Variants in DMBT1 observed in about 807,000 individuals in gnomAD.
DMBT1 encodes the protein deleted in malignant brain tumors 1, also known as scavenger receptor cysteine-rich domain-containing protein DMBT1.
Under a neutral mutation model 252.9 loss-of-function variants are expected in DMBT1, and 198 were observed. The observed-to-expected ratio is 0.78, with a 90% confidence interval of 0.70 to 0.88. The LOEUF is 0.88. DMBT1 is among the 40% of genes least tolerant of loss of function. The pLI, the probability that DMBT1 is intolerant of heterozygous loss-of-function variation, is 0.00. For missense variants in DMBT1, 2,432 were observed against 2,404.7 expected, an observed-to-expected ratio of 1.01 and a Z score of -0.24; for synonymous variants, 990 against 942.7, an observed-to-expected ratio of 1.05 and a Z score of -0.92.
At chr10:122,573,537 A>C (rs1008824016) in intron 5 of DMBT1, among the ~76,000 whole-genome samples, 178 bp from the exon 6 acceptor site, 1 of 152,202 alleles carries the variant, frequency 6.6e-6, no homozygotes, top group Non-Finnish European at 1.5e-5. Context: ...GTGGCATCCT[A>C]GCCCAGTCTG....
At chr10:122,643,072 A>G (rs1246226659) in intron 55 of DMBT1, 50 bp from the exon 56 acceptor site, 2 of 1,589,842 alleles carry the variant, frequency 1.3e-6, no homozygotes, top group African/African-American at 2.7e-5. Context: ...TGAGTCATGA[A>G]GGAAGAATCG....
chr10:122,635,152 A>C (rs1353309457), intron 52 of DMBT1, among the ~76,000 whole-genome samples: 1 of 152,192 alleles, frequency 6.6e-6, no homozygotes, highest in African/African-American at 2.4e-5. Context: ...GACATTTTAC[A>C]AAGCCCTTTT....
At position 122,589,169 on chromosome 10, in the gene DMBT1, G is replaced by A. The variant is rs28493439; in HGVS notation, c.2009G>A (p.Arg670His). The change falls in exon 17 of 56, where the codon CGC becomes CAC. Residue 670 changes from arginine (R) to histidine (H), a missense_variant. By Grantham distance (29) the Arg-to-His change is conservative. This residue lies in a region of DMBT1 where 1,264 missense variants were observed against 1,082.2 expected (regional missense o/e 1.17). Coordinates refer to ENST00000338354, the MANE Select transcript of DMBT1 (RefSeq NM_001377530.1). ...GGACCCATTGTCCTGGATGATGTGC[G>A]CTGCTCAGGACATGAGTCCTACCTG... ...GSGPIVLDDV[R>H]CSGHESYLWS... 32 of 1,588,418 alleles carry A rather than the reference G, an allele frequency of 2.0e-5. 1 individual carries two copies. Among genetic ancestry groups the A allele is most frequent in the African/African-American group, 1.3e-4 (10 of 74,632 alleles).
At chr10:122,599,915 G>A (rs772962456) in intron 26 of DMBT1, 149 bp from the exon 27 acceptor site, 5 of 1,213,972 alleles carry the variant, frequency 4.1e-6, no homozygotes, top group African/African-American at 1.5e-5. Flanking sequence ...GTGCATCTCT[G>A]TGGGGATGTG....
chr10:122,578,220 C>A (rs1432552785), intron 8 of DMBT1, among the ~76,000 whole-genome samples: 2 of 152,176 alleles, frequency 1.3e-5, no homozygotes, highest in African/African-American at 4.8e-5. Context: ...GCTTGATACC[C>A]CCATCTCTCA....
At position 122,643,222 on chromosome 10, in the gene DMBT1, G is replaced by A. The variant is rs1415325438; in HGVS notation, c.7453G>A (p.Val2485Met). The part of the protein sequence containing the change: ...AFHFLNRFPS[V>M]YLRCKMVVCR... Reference sequence around the variant, plus strand: ...CCACTTCCTGAACCGCTTCCCCTCCGTGTACCTGCGTTGTAAAATGGTGGT... The same window carrying A: ...CCACTTCCTGAACCGCTTCCCCTCCATGTACCTGCGTTGTAAAATGGTGGT... The change falls in exon 56 of 56, where the codon GTG (valine) becomes ATG (methionine). Residue 2485 changes from valine (V) to methionine (M), a missense_variant. Transcript: ENST00000338354. 1.9e-6 allele frequency: 3 copies of A among 1,613,900 alleles called. No individual in the cohort carries two copies. The highest frequency in any genetic ancestry group is 2.5e-6 in the Non-Finnish European group (3 of 1,179,868).
At chr10:122,600,182 G>C in intron 27 of DMBT1, 89 bp downstream of exon 27, 2 of 1,509,090 alleles carry the variant, frequency 1.3e-6, no homozygotes, top group Non-Finnish European at 1.8e-6. Context: ...CTGTTTCTCT[G>C]TGTGGATACT....
intron 54 of DMBT1, among the ~76,000 whole-genome samples, chr10:122,637,531 G>C (rs1390962537): frequency 6.6e-6 from 1 of 152,224 alleles, no homozygotes; most frequent in Non-Finnish European, 1.5e-5. Flanking sequence ...ATCTCCAGCT[G>C]TGTCCAGCAG....
chr10:122,620,926 G>C (rs946302548), intron 43 of DMBT1, 131 bp from the exon 44 acceptor site: 65 of 1,502,958 alleles, frequency 4.3e-5, no homozygotes, highest in Non-Finnish European at 5.6e-5. Context: ...ACCTCTGTCT[G>C]TATTCATATT....
At chr10:122,571,066 G>T in intron 4 of DMBT1, 129 bp downstream of exon 4, 1 of 1,141,736 alleles carries the variant, frequency 8.8e-7, no homozygotes, top group Non-Finnish European at 1.3e-6. Context: ...AGGTAGTGTG[G>T]ATATCACCTT....
chr10:122,617,562 C>G (rs1425044219), intron 40 of DMBT1, among the ~76,000 whole-genome samples: 2 of 151,588 alleles, frequency 1.3e-5, no homozygotes, highest in African/African-American at 2.4e-5. Context: ...GGCCCTCTGA[C>G]CACGCACTGC....
In DMBT1 at chr10:122,621,854, C is replaced by T. The variant is rs546169651; in HGVS notation, c.5608+474C>T. Among the ~76,000 whole-genome samples the T allele has an allele frequency of 3.3e-5, 5 of 152,302 alleles. No individual in the cohort carries two copies. In the East Asian group the frequency reaches 5.8e-4, roughly 18 times the overall value. On this transcript the variant is annotated intron_variant, in intron 44 of 55. Coordinates refer to ENST00000338354, the MANE Select transcript of DMBT1 (RefSeq NM_001377530.1). ...GAGGCATATGGGCTAAGAGTGCAAA[C>T]GGGTATCTGTGCATGTGTGACCTGG...
Position 122,637,227 on chromosome 10 carries a change from A to C in DMBT1, c.6857A>C (p.Asn2286Thr), listed in dbSNP as rs771403045. The C allele has an allele frequency of 6.2e-7, 1 of 1,613,982 alleles. No individual in the cohort carries two copies. Among genetic ancestry groups the C allele is most frequent in the Non-Finnish European group, 8.5e-7 (1 of 1,179,886 alleles). ...AGTGACCTTGTCATTTCCACCTGGA[A>C]TGGATACTACGAGTGTCGGCCCCAG... is the stretch of plus-strand genomic sequence containing the variant. ...SASDLVISTW[N>T]GYYECRPQIT... The change falls in exon 54 of 56, where the codon AAT becomes ACT. Residue 2286 changes from asparagine to threonine, a missense_variant. Transcript: ENST00000338354.
intron 5 of DMBT1, among the ~76,000 whole-genome samples, chr10:122,573,133 C>A (rs1378617664): frequency 6.6e-6 from 1 of 152,198 alleles, no homozygotes; most frequent in African/African-American, 2.4e-5. Context: ...TCAAGAGCAA[C>A]TCTGTCATTT....
In DMBT1 at chr10:122,592,542, G is replaced by C. The variant is rs376863791; in HGVS notation, c.2447G>C (p.Gly816Ala). The change falls in exon 20 of 56, where the codon GGC (glycine) becomes GCC (alanine). Residue 816 changes from glycine to alanine, a missense_variant. Around this residue, in one of 3 missense-constraint regions of DMBT1, gnomAD observed 1,264 missense variants for 1,082.2 expected, o/e 1.17. Transcript: ENST00000338354. ...TACCTGTGGAGCTGCCCCCACAATG[G>C]CTGGCTCTCCCACAACTGTGGCCAT... ...ESYLWSCPHN[G>A]WLSHNCGHHE... 1.3e-6 allele frequency: 2 copies of C among 1,588,154 alleles called. No homozygotes were observed. Among genetic ancestry groups the C allele is most frequent in the African/African-American group, 2.7e-5 (2 of 74,520 alleles).
At chr10:122,574,433 C>T (rs1232873719) in intron 6 of DMBT1, among the ~76,000 whole-genome samples, 1 of 152,154 alleles carries the variant, frequency 6.6e-6, no homozygotes, top group Non-Finnish European at 1.5e-5. Context: ...CTGCGCTGCC[C>T]AGGGTTGGCA....
At chr10:122,640,517 G>T in intron 55 of DMBT1, 68 bp downstream of exon 55, 1 of 1,488,630 alleles carries the variant, frequency 6.7e-7, no homozygotes, top group Non-Finnish European at 8.9e-7. Flanking sequence ...TAGCCCCAAA[G>T]GCTTGAAGAA....
At chr10:122,630,255 C>A in intron 47 of DMBT1, 33 bp from the exon 48 acceptor site, 1 of 1,594,712 alleles carries the variant, frequency 6.3e-7, no homozygotes, top group Non-Finnish European at 8.6e-7. Flanking sequence ...ATAGGAATTT[C>A]AATGTTGACT....
In DMBT1 at chr10:122,579,852, G is replaced by A; in HGVS notation, c.954G>A (p.Trp318Ter). The change falls in exon 10 of 56, where the codon TGG becomes TGA. Residue 318 changes from tryptophan to a stop codon, truncating the protein, a stop_gained. Coordinates refer to ENST00000338354, the MANE Select transcript of DMBT1 (RefSeq NM_001377530.1). LOFTEE classifies it high-confidence loss of function. The part of the protein sequence containing the change: ...SYLWSCPHNG[W>*]LTHNCGHSED... ...TGTGGAGCTGCCCCCACAATGGCTGGCTCACCCACAACTGTGGCCATAGTG... is the reference window on the plus strand; with the variant it reads ...TGTGGAGCTGCCCCCACAATGGCTGACTCACCCACAACTGTGGCCATAGTG... The A allele has an allele frequency of 3.1e-6, 5 of 1,613,700 alleles. No individual in the cohort carries two copies. The highest frequency in any genetic ancestry group is 4.2e-6 in the Non-Finnish European group (5 of 1,179,664).
Sources: allele counts gnomAD v4.1 joint callset (sites outside exome capture counted in the v4.1 genomes callset), GRCh38; gene constraint gnomAD v4.1.1; regional missense constraint gnomAD v4.1.1; transcripts MANE v1.5; gene names NCBI Gene and HGNC (gene_info 2026-07-23, HGNC 2026-07-21).